The following F8 variants were observed in gnomAD, a reference collection of about 807,000 sequenced individuals.
F8 encodes the protein coagulation factor VIII, also known as antihemophilic factor.
A neutral mutation model predicts 140.6 loss-of-function variants in F8; 12 were observed. That is an observed-to-expected ratio of 0.09 (90% CI 0.05 to 0.14). The LOEUF is 0.14. Among genes scored for constraint, F8 ranks in the 10% least tolerant of loss-of-function variants. The pLI, the probability that F8 is intolerant of heterozygous loss-of-function variation, is 1.00. For missense variants in F8, 1,354 were observed against 1,720.7 expected (o/e 0.79, Z 3.77); for synonymous variants, 585 against 614.6 (o/e 0.95, Z 0.71).
intron 14 of F8, 51 bp from the exon 15 acceptor site, chrX:154,906,624 A>G (rs1377169004): frequency 1.8e-6 from 2 of 1,124,022 alleles, no homozygotes; most frequent in Non-Finnish European, 2.4e-6. Context: ...CCAAGTGGGT[A>G]GAAATGCCTC....
intron 6 of F8, among the ~76,000 whole-genome samples, chrX:154,979,621 T>C (rs905969290): frequency 4.5e-5 from 5 of 111,695 alleles, no homozygotes. Context: ...CAAGGTTCAC[T>C]AGTGTTTTGG....
chrX:154,933,646 A>G (rs1291982595), intron 13 of F8, among the ~76,000 whole-genome samples: 1 of 112,256 alleles, frequency 8.9e-6, no homozygotes, highest in African/African-American at 3.2e-5. Flanking sequence ...ATCTATAAAT[A>G]TACTACAGAA....
chrX:154,986,521 G>C (rs1355287298), intron 5 of F8, among the ~76,000 whole-genome samples: 1 of 110,368 alleles, frequency 9.1e-6, no homozygotes. Flanking sequence ...AAACTCCTGG[G>C]CTCAAGCAAT....
At chrX:154,888,792 C>T (rs2072919946) in intron 22 of F8, among the ~76,000 whole-genome samples, 1 of 110,552 alleles carries the variant, frequency 9.0e-6, no homozygotes, top group Non-Finnish European at 1.9e-5. Flanking sequence ...AGGCAGCCTC[C>T]GTGTTCCCCC....
chrX:154,863,878 T>A (rs990588060), intron 22 of F8, among the ~76,000 whole-genome samples: 2 of 111,480 alleles, frequency 1.8e-5, no homozygotes, highest in Non-Finnish European at 1.9e-5. Flanking sequence ...CCTACCACTA[T>A]CCCTATCTGC....
intron 25 of F8, among the ~76,000 whole-genome samples, chrX:154,856,787 A>G (rs2072654519): frequency 8.9e-6 from 1 of 111,888 alleles, no homozygotes; most frequent in African/African-American, 3.3e-5. Flanking sequence ...CTATCAGAAT[A>G]AATGTGCACT....
chrX:154,837,148 C>T lies in F8; in HGVS notation c.*449G>A. 1 of 157,465 alleles carries T rather than the reference C, an allele frequency of 6.4e-6. No individual in the cohort carries two copies. The highest frequency in any genetic ancestry group is 3.0e-5 in the African/African-American group (1 of 33,239). The allele number at this position is 157,465 out of a possible 1,213,427, so 13.0% of individuals were successfully genotyped here. On this transcript the variant is annotated 3_prime_UTR_variant, in exon 26 of 26. Transcript: ENST00000360256. ...ATCTGATCCTGAAACATGCTTTGTT[C>T]CATGCTTGATCAGGATAATAAACAA...
At chrX:154,855,482 G>C (rs1298179268) in intron 25 of F8, among the ~76,000 whole-genome samples, 1 of 111,820 alleles carries the variant, frequency 8.9e-6, no homozygotes, top group East Asian at 2.8e-4. Flanking sequence ...AGCTTTGCAG[G>C]GTGTCTACTG....
intron 25 of F8, among the ~76,000 whole-genome samples, chrX:154,855,830 ACC>A (rs1233356513): frequency 1.8e-5 from 2 of 111,266 alleles, no homozygotes; most frequent in Non-Finnish European, 3.8e-5. Context: ...TATGAAGGTG[ACC>A]CATGACAAGG....
At chrX:154,896,307 TTAGGAAGAATCTACATTGC>T in intron 21 of F8, 75 bp from the exon 22 acceptor site, 1 of 1,049,382 alleles carries the variant, frequency 9.5e-7, no homozygotes, top group Admixed American at 2.2e-5. Flanking sequence ...AATTATTAGC[TTAGGAAGAATCTACATTGC>T]TACAGGTGTG....
At chrX:154,971,615 T>C (rs782347969) in intron 6 of F8, among the ~76,000 whole-genome samples, 40 of 111,415 alleles carry the variant, frequency 3.6e-4, no homozygotes, top group Non-Finnish European at 2.6e-4. Flanking sequence ...TACTGTGCAA[T>C]AGAGTACCAG....
chrX:154,989,511 G>A (rs1345343938), intron 4 of F8, among the ~76,000 whole-genome samples: 2 of 111,536 alleles, frequency 1.8e-5, no homozygotes, highest in African/African-American at 6.5e-5. Flanking sequence ...CTGTTGCTCT[G>A]AATTCTTGAC....
At chrX:155,013,387 T>A (rs976998688) in intron 1 of F8, among the ~76,000 whole-genome samples, 1 of 110,879 alleles carries the variant, frequency 9.0e-6, no homozygotes, top group East Asian at 2.9e-4. Context: ...TGCTCTCTTG[T>A]CTGCCACCAT....
intron 25 of F8, among the ~76,000 whole-genome samples, chrX:154,848,805 G>C: frequency 9.0e-6 from 1 of 111,159 alleles, no homozygotes; most frequent in Non-Finnish European, 1.9e-5. Context: ...TGCACCCACT[G>C]TCCGACAAGC....
intron 14 of F8, among the ~76,000 whole-genome samples, chrX:154,925,482 C>T (rs2073155601): frequency 8.9e-6 from 1 of 112,295 alleles, no homozygotes; most frequent in African/African-American, 3.2e-5. Flanking sequence ...AAATGCCAGC[C>T]CATGAAGGCA....
intron 14 of F8, among the ~76,000 whole-genome samples, chrX:154,916,974 G>T (rs1170118568): frequency 8.2e-5 from 9 of 110,003 alleles, no homozygotes; most frequent in African/African-American, 9.9e-5. Flanking sequence ...ATTCATTTTG[G>T]TATGTTGTTT....
At chrX:154,940,615 G>A (rs1412482303) in intron 13 of F8, among the ~76,000 whole-genome samples, 1 of 112,033 alleles carries the variant, frequency 8.9e-6, no homozygotes, top group African/African-American at 3.2e-5. Context: ...AAGAGAACTT[G>A]CCAAATCTAG....
chrX:155,012,985 C>A (rs2073714394), intron 1 of F8, among the ~76,000 whole-genome samples: 1 of 107,790 alleles, frequency 9.3e-6, no homozygotes, highest in South Asian at 4.1e-4. Context: ...TCTCTACTAT[C>A]AGTATAAAAA....
intron 13 of F8, among the ~76,000 whole-genome samples, chrX:154,941,111 C>T (rs1298674911): frequency 8.9e-6 from 1 of 111,839 alleles, no homozygotes; most frequent in Admixed American, 9.5e-5. Flanking sequence ...AATCAACTAA[C>T]GAGCAAAATA....
Sources: gnomAD v4.1 joint callset for allele counts (sites outside exome capture counted in the v4.1 genomes callset) on GRCh38, gnomAD v4.1.1 for gene constraint, MANE v1.5 for transcripts, NCBI Gene and HGNC (gene_info 2026-07-23, HGNC 2026-07-21) for gene names.